The following CERS6 variants were observed in gnomAD, a reference collection of about 807,000 sequenced individuals.
The protein encoded by CERS6 is ceramide synthase 6.
Under a neutral mutation model 56.8 loss-of-function variants are expected in CERS6, and 26 were observed. That is an observed-to-expected ratio of 0.46 (90% CI 0.34 to 0.63). The LOEUF (loss-of-function observed/expected upper bound fraction) is 0.63. Ranked by LOEUF, CERS6 falls within the 30% of genes least tolerant of loss-of-function variation. The probability of loss-of-function intolerance (pLI) is 0.01; values close to 1 mark genes in which losing one functional copy is unlikely to be tolerated. For synonymous variants in CERS6, 164 were observed against 173.3 expected (o/e 0.95, Z 0.42); for missense variants, 415 against 467.5 (o/e 0.89, Z 1.04).
chr2:168,739,303 A>C (rs1178768943), intron 8 of CERS6, among the ~76,000 whole-genome samples: 1 of 152,080 alleles, frequency 6.6e-6, no homozygotes, highest in Admixed American at 6.5e-5. Context: ...ATGAATAAAT[A>C]GTAAATGGGA....
intron 1 of CERS6, among the ~76,000 whole-genome samples, chr2:168,502,599 C>G (rs1016135526): frequency 8.5e-5 from 13 of 152,212 alleles, no homozygotes; most frequent in Admixed American, 3.3e-4. Flanking sequence ...AAAACAAAAT[C>G]TTTGTTTCTA....
At position 168,456,432 on chromosome 2, in the gene CERS6, G is replaced by C. The variant is rs1456251712; in HGVS notation, c.-17G>C. 3.7e-6 allele frequency: 6 copies of C among 1,608,182 alleles called. No individual in the cohort carries two copies. The highest frequency in any genetic ancestry group is 5.1e-6 in the Non-Finnish European group (6 of 1,176,944). On this transcript the variant is annotated 5_prime_UTR_variant, in exon 1 of 10. Transcript: ENST00000305747. The surrounding 1 kb of genome is among the most constrained non-coding windows in gnomAD (Gnocchi z 4.1). ...GGCGGGCTGCGGGTGCCGCAGGACA[G>C]GAGTGGACAAAGCAAGATGGCAGGG...
At chr2:168,555,832 AT>A (rs1695668347) in intron 2 of CERS6, among the ~76,000 whole-genome samples, 1 of 151,466 alleles carries the variant, frequency 6.6e-6, no homozygotes, top group African/African-American at 2.4e-5. Context: ...CTCACAAAAG[AT>A]TTTGTTTTTC....
intron 4 of CERS6, among the ~76,000 whole-genome samples, chr2:168,649,240 C>CTTAAACAGGTCTGTGTT (rs1213766077): frequency 6.6e-6 from 1 of 151,970 alleles, no homozygotes; most frequent in Non-Finnish European, 1.5e-5. Context: ...TGTGTTATTA[C>CTTAAACAGGTCTGTGTT]TCCACTTAAA....
At position 168,456,578 on chromosome 2, in the gene CERS6, C is replaced by T. The variant is rs1048104784; in HGVS notation, c.130C>T (p.Leu44=). The T allele has an allele frequency of 1.3e-5, 21 of 1,613,982 alleles. No homozygotes were observed. Among genetic ancestry groups the T allele is most frequent in the South Asian group, 2.2e-5 (2 of 91,080 alleles). Residue 44 remains leucine, a synonymous_variant, in exon 1 of 10, where the codon CTG becomes TTG. Transcript: ENST00000305747. This position sits in a 1 kb window ranked among gnomAD's most constrained non-coding sequence, Gnocchi z 4.1. ...QAEDLYLAFP[L]AFCIFMVRLI... ...TGAGGACCTCTATCTCGCTTTTCCC[C>T]TGGCCTTCTGTATCTTCATGGTGCG...
At chr2:168,627,204 T>A (rs1292952065) in intron 3 of CERS6, among the ~76,000 whole-genome samples, 1 of 152,212 alleles carries the variant, frequency 6.6e-6, no homozygotes, top group Non-Finnish European at 1.5e-5. Flanking sequence ...TTGATTATTA[T>A]TGCTAAATAT....
At chr2:168,618,572 C>T (rs570564372) in intron 3 of CERS6, among the ~76,000 whole-genome samples, 2 of 152,132 alleles carry the variant, frequency 1.3e-5, no homozygotes, top group African/African-American at 2.4e-5. Context: ...CAGTAACTCT[C>T]GTATACACCA....
At chr2:168,468,144 G>C (rs192867509) in intron 1 of CERS6, among the ~76,000 whole-genome samples, 2 of 152,114 alleles carry the variant, frequency 1.3e-5, no homozygotes, top group South Asian at 2.1e-4. Flanking sequence ...TTAAACAAGT[G>C]GGGGGCCGCT....
intron 3 of CERS6, among the ~76,000 whole-genome samples, chr2:168,566,519 C>T (rs565379061): frequency 1.3e-5 from 2 of 152,272 alleles, no homozygotes; most frequent in East Asian, 1.9e-4. Flanking sequence ...GCTAATTCAT[C>T]ATTGAAAAAT....
In CERS6 at chr2:168,661,842, C is replaced by T. The variant is rs73970091; in HGVS notation, c.466-29192C>T. Reference sequence around the variant, plus strand: ...AAATGTCTGCAAGGAATGCTACTTGCAGCTGTACTGGATGGAAATGTTACA... The same window carrying T: ...AAATGTCTGCAAGGAATGCTACTTGTAGCTGTACTGGATGGAAATGTTACA... On this transcript the variant is annotated intron_variant, in intron 4 of 9. Coordinates refer to ENST00000305747, the MANE Select transcript of CERS6 (RefSeq NM_203463.3). Among the ~76,000 whole-genome samples the T allele has an allele frequency of 6.2e-3, 951 of 152,324 alleles. 8 individuals are homozygous for T. The highest frequency in any genetic ancestry group is 0.022 in the African/African-American group (897 of 41,574).
At chr2:168,600,654 A>C (rs1683913979) in intron 3 of CERS6, among the ~76,000 whole-genome samples, 1 of 152,114 alleles carries the variant, frequency 6.6e-6, no homozygotes, top group Admixed American at 6.5e-5. Flanking sequence ...CACCTTGATA[A>C]TATTTACCTT....
At chr2:168,590,350 A>G (rs900494446) in intron 3 of CERS6, among the ~76,000 whole-genome samples, 26 of 152,364 alleles carry the variant, frequency 1.7e-4, no homozygotes, top group African/African-American at 6.0e-4. Context: ...CGATGTTATC[A>G]GAGAAAAATT....
chr2:168,710,531 AAGGT>A (rs2105383165), intron 6 of CERS6, among the ~76,000 whole-genome samples: 1 of 152,304 alleles, frequency 6.6e-6, no homozygotes, highest in East Asian at 1.9e-4. Context: ...TATTAGTTGA[AAGGT>A]AAGCTCTACG....
rs552864667 is a variant in CERS6, at chr2:168,556,052, CA to C, written c.277-5137del. Among the ~76,000 whole-genome samples the C allele has an allele frequency of 6.1e-3, 933 of 152,068 alleles. 9 individuals are homozygous for C. Among genetic ancestry groups the C allele is most frequent in the South Asian group, 0.011 (53 of 4,818 alleles). ...TGGTGACATGGTTACTATAGTCAAG[CA>C]AATCAATATGTCATCTCATAAAAAA... On this transcript the variant is annotated intron_variant, in intron 2 of 9. Transcript: ENST00000305747.
At chr2:168,720,313 A>G (rs189089085) in intron 8 of CERS6, among the ~76,000 whole-genome samples, 1 of 152,308 alleles carries the variant, frequency 6.6e-6, no homozygotes, top group Admixed American at 6.5e-5. Context: ...TAAATCTTTG[A>G]AATTCAATGT....
intron 8 of CERS6, among the ~76,000 whole-genome samples, chr2:168,751,228 T>G (rs1684258653): frequency 6.6e-6 from 1 of 152,214 alleles, no homozygotes; most frequent in South Asian, 2.1e-4. Flanking sequence ...AACAACCAGT[T>G]GTGCCAATGA....
intron 4 of CERS6, among the ~76,000 whole-genome samples, chr2:168,670,451 A>C (rs1255602915): frequency 1.3e-5 from 2 of 152,238 alleles, no homozygotes; most frequent in Non-Finnish European, 2.9e-5. Context: ...GATGCAACTT[A>C]GCACTCACAA....
chr2:168,556,976 GA>G lies in CERS6; in HGVS notation c.277-4213del, dbSNP rs1374607272. ...TTGAGACCAGCCCAGGCAACATGGT[GA>G]AACCTTGTCTCTACAAAAAAAAAAA... On this transcript the variant is annotated intron_variant, in intron 2 of 9. Transcript: ENST00000305747. Among the ~76,000 whole-genome samples the G allele has an allele frequency of 3.6e-5, 4 of 110,510 alleles. 1 individual carries two copies. The highest frequency in any genetic ancestry group is 1.3e-4 in the African/African-American group (4 of 30,618). 72.5% of individuals were successfully genotyped at this position (110,510 alleles called of 152,430 possible).
intron 8 of CERS6, among the ~76,000 whole-genome samples, chr2:168,746,773 G>T (rs1353683482): frequency 2.2e-5 from 1 of 45,732 alleles, no homozygotes; most frequent in African/African-American, 7.6e-5. Flanking sequence ...AAAGGGTAAA[G>T]GGTATATATA....
Sources: gnomAD v4.1 joint callset for allele counts (sites outside exome capture counted in the v4.1 genomes callset) on GRCh38, gnomAD v4.1.1 for gene constraint, Gnocchi (gnomAD v3.1) non-coding constraint, MANE v1.5 for transcripts, NCBI Gene and HGNC (gene_info 2026-07-23, HGNC 2026-07-21) for gene names.